Variants in B3GALT1 observed in about 807,000 individuals in gnomAD.
B3GALT1 encodes the protein UDP-Gal:betaGlcNAc beta 1,3-galactosyltransferase, polypeptide 1.
A neutral mutation model predicts 23.2 loss-of-function variants in B3GALT1; 10 were observed. The observed-to-expected ratio is 0.43, with a 90% CI of 0.27 to 0.73. The LOEUF is 0.73. Among genes scored for constraint, B3GALT1 ranks in the 30% least tolerant of loss-of-function variants. B3GALT1 has a pLI of 0.21. For missense variants in B3GALT1, 299 were observed against 405.4 expected (o/e 0.74, Z 2.25); for synonymous variants, 156 against 141.5 (o/e 1.10, Z -0.73).
intron 3 of B3GALT1, among the ~76,000 whole-genome samples, chr2:167,673,340 A>G (rs1230088573): frequency 6.6e-6 from 1 of 152,112 alleles, no homozygotes; most frequent in Non-Finnish European, 1.5e-5. Flanking sequence ...AAGATAGAAA[A>G]TGCATTATTT....
At chr2:167,532,354 C>A (rs1457730619) in intron 2 of B3GALT1, among the ~76,000 whole-genome samples, 2 of 152,104 alleles carry the variant, frequency 1.3e-5, no homozygotes, top group Non-Finnish European at 2.9e-5. Context: ...AGAAAATATT[C>A]TTTGTTTAGG....
At chr2:167,512,647 TA>T (rs1433363509) in intron 2 of B3GALT1, among the ~76,000 whole-genome samples, 2 of 134,204 alleles carry the variant, frequency 1.5e-5, no homozygotes, top group African/African-American at 2.8e-5. Flanking sequence ...CATATATATA[TA>T]TATTTTGAGA....
At chr2:167,469,261 C>G (rs76068224) in intron 1 of B3GALT1, among the ~76,000 whole-genome samples, 1 of 152,096 alleles carries the variant, frequency 6.6e-6, no homozygotes, top group African/African-American at 2.4e-5. Context: ...CTTTGGGAAT[C>G]TTACTTATTA....
chr2:167,345,808 A>G (rs1219768762), intron 1 of B3GALT1, among the ~76,000 whole-genome samples: 6 of 152,278 alleles, frequency 3.9e-5, no homozygotes, highest in Admixed American at 2.6e-4. Context: ...GGAAGAGGCA[A>G]TTATGCTGGG....
At position 167,748,897 on chromosome 2, in the gene B3GALT1, A is replaced by G. The variant is rs75021275; in HGVS notation, c.-351-69775A>G. 6.2e-4 allele frequency among the ~76,000 whole-genome samples: 94 copies of G among 152,296 alleles called. 1 individual carries two copies. The East Asian group carries it at 0.018, about 29-fold the overall frequency. ...AGTGATGAGAATCATTCTTCCAGTCATTCATGCCACACACATTTATTAAGC... is the reference window on the plus strand; with the variant it reads ...AGTGATGAGAATCATTCTTCCAGTCGTTCATGCCACACACATTTATTAAGC... On this transcript the variant is annotated intron_variant, in intron 3 of 4. Coordinates refer to ENST00000392690, the MANE Select transcript of B3GALT1 (RefSeq NM_020981.4).
At chr2:167,864,073 CTTCT>C (rs1559007206) in intron 4 of B3GALT1, among the ~76,000 whole-genome samples, 1 of 150,884 alleles carries the variant, frequency 6.6e-6, no homozygotes, top group East Asian at 2.0e-4. Flanking sequence ...TGTTTCTAAA[CTTCT>C]TTAACAGTTT....
chr2:167,824,450 GAGAGAAGTAGAGATATA>G (rs1200768214), intron 4 of B3GALT1, among the ~76,000 whole-genome samples: 2 of 152,230 alleles, frequency 1.3e-5, no homozygotes, highest in Non-Finnish European at 2.9e-5. Context: ...AGTGGAGCTT[GAGAGAAGTAGAGATATA>G]AGAGAAATTT....
Position 167,471,250 on chromosome 2 carries a change from T to C in B3GALT1, c.-510-18927T>C, listed in dbSNP as rs1000868226. Among the ~76,000 whole-genome samples, 31 of 152,226 alleles carry C rather than the reference T, an allele frequency of 2.0e-4. 1 individual carries two copies. The highest frequency in any genetic ancestry group is 2.0e-3 in the Admixed American group (30 of 15,280). On this transcript the variant is annotated intron_variant, in intron 1 of 4. Coordinates refer to ENST00000392690, the MANE Select transcript of B3GALT1 (RefSeq NM_020981.4). ...AATACGTGCATTTCAAAAATAAAAA[T>C]CGACACTTGATTCATTTGTACCACA...
intron 2 of B3GALT1, among the ~76,000 whole-genome samples, chr2:167,525,738 G>C (rs1683208604): frequency 6.6e-6 from 1 of 150,986 alleles, no homozygotes; most frequent in African/African-American, 2.4e-5. Context: ...CTCCCAAGTA[G>C]CTGAGACCAT....
chr2:167,361,688 A>T (rs2105263219), intron 1 of B3GALT1, among the ~76,000 whole-genome samples: 1 of 152,318 alleles, frequency 6.6e-6, no homozygotes, highest in East Asian at 1.9e-4. Flanking sequence ...CCTTCTTGTC[A>T]ACATGCTGAC....
intron 2 of B3GALT1, among the ~76,000 whole-genome samples, chr2:167,507,238 G>C (rs573051144): frequency 1.2e-3 from 181 of 152,190 alleles, no homozygotes; most frequent in African/African-American, 4.1e-3. Context: ...CGGGTGCAGT[G>C]GCTCACGCCT....
intron 2 of B3GALT1, among the ~76,000 whole-genome samples, chr2:167,604,584 A>G (rs1356132618): frequency 1.3e-5 from 2 of 152,200 alleles, no homozygotes; most frequent in African/African-American, 2.4e-5. Context: ...GCTTCAGGGC[A>G]GAGAAAGAAA....
chr2:167,426,588 G>C (rs772050502), intron 1 of B3GALT1, among the ~76,000 whole-genome samples: 5 of 152,128 alleles, frequency 3.3e-5, no homozygotes, highest in African/African-American at 1.2e-4. Context: ...CAGTGAAGAA[G>C]TGTCTGTTGT....
chr2:167,532,577 C>G (rs1375719419), intron 2 of B3GALT1, among the ~76,000 whole-genome samples: 1 of 151,028 alleles, frequency 6.6e-6, no homozygotes, highest in African/African-American at 2.4e-5. Flanking sequence ...CACACACTCA[C>G]TATCATTCAT....
At chr2:167,840,248 C>T (rs1689610612) in intron 4 of B3GALT1, among the ~76,000 whole-genome samples, 1 of 151,876 alleles carries the variant, frequency 6.6e-6, no homozygotes, top group Admixed American at 6.6e-5. Context: ...AGGCAACCCA[C>T]AAAATGGGAG....
At chr2:167,825,426 A>G (rs1689196484) in intron 4 of B3GALT1, among the ~76,000 whole-genome samples, 2 of 146,658 alleles carry the variant, frequency 1.4e-5, no homozygotes, top group South Asian at 4.4e-4. Context: ...AACCAATAAG[A>G]TATATGCAGG....
chr2:167,658,117 A>T (rs1685986979), intron 3 of B3GALT1, among the ~76,000 whole-genome samples: 1 of 152,166 alleles, frequency 6.6e-6, no homozygotes, highest in Admixed American at 6.6e-5. Context: ...CTATGTGCCT[A>T]GAACTATTAT....
intron 2 of B3GALT1, among the ~76,000 whole-genome samples, chr2:167,632,294 C>T (rs1685462242): frequency 6.6e-6 from 1 of 151,994 alleles, no homozygotes; most frequent in Non-Finnish European, 1.5e-5. Context: ...ATTTATAATC[C>T]TTCAGGTATA....
chr2:167,703,377 A>G (rs776685871), intron 3 of B3GALT1, among the ~76,000 whole-genome samples: 5 of 152,152 alleles, frequency 3.3e-5, no homozygotes, highest in Non-Finnish European at 7.4e-5. Flanking sequence ...ACTTCCATGA[A>G]TGGTTAGGAG....
Sources: gnomAD v4.1 joint callset for allele counts (sites outside exome capture counted in the v4.1 genomes callset) on GRCh38, gnomAD v4.1.1 for gene constraint, MANE v1.5 for transcripts, NCBI Gene and HGNC (gene_info 2026-07-23, HGNC 2026-07-21) for gene names.